KIF4A: variants seen among roughly 807,000 people sequenced by gnomAD.
The protein encoded by KIF4A is chromosome-associated kinesin KIF4A.
Under a neutral mutation model 105.9 loss-of-function variants are expected in KIF4A, and 7 were observed. The ratio of observed to expected loss-of-function variants is 0.07; its 90% CI spans 0.04 to 0.12. The LOEUF is 0.12. Among genes scored for constraint, KIF4A ranks in the 10% least tolerant of loss-of-function variants. The pLI is 1.00. For missense variants in KIF4A, 558 were observed against 929.2 expected, an observed-to-expected ratio of 0.60 and a Z score of 5.19; for synonymous variants, 281 against 331.3, an observed-to-expected ratio of 0.85 and a Z score of 1.65.
chrX:70,291,076 G>T (rs1333945790), intron 3 of KIF4A, among the ~76,000 whole-genome samples: 2 of 111,362 alleles, frequency 1.8e-5, no homozygotes, highest in Non-Finnish European at 3.8e-5. Flanking sequence ...TGTGGTGGTT[G>T]CTGATGGTGA....
Position 70,331,932 on chromosome X carries a change from T to G in KIF4A, c.1071+1600T>G, listed in dbSNP as rs924300177. ...AGATAATGATGGCTTGGACTTAGAG[T>G]GCTGGCAGTGGTGATAGAAAGAAGT... On this transcript the variant is annotated intron_variant, in intron 9 of 30. Coordinates refer to ENST00000374403, the MANE Select transcript of KIF4A (RefSeq NM_012310.5). Among the ~76,000 whole-genome samples, 12 of 111,231 alleles carry G rather than the reference T, an allele frequency of 1.1e-4. 1 individual carries two copies. The highest frequency in any genetic ancestry group is 2.9e-4 in the Admixed American group (3 of 10,421).
chrX:70,330,289 A>G lies in KIF4A; in HGVS notation c.1028A>G (p.Asn343Ser). 1.7e-6 allele frequency: 2 copies of G among 1,211,352 alleles called. No homozygotes were observed. The highest frequency in any genetic ancestry group is 2.2e-6 in the Non-Finnish European group (2 of 895,033). Residue 343 changes from asparagine to serine, a missense_variant, in exon 9 of 31, where the codon AAT (asparagine) becomes AGT (serine). By Grantham distance (46) the Asn-to-Ser change is conservative. Around this residue, in one of 2 missense-constraint regions of KIF4A, gnomAD observed 469 missense variants for 680.4 expected, o/e 0.69. Coordinates refer to ENST00000374403, the MANE Select transcript of KIF4A (RefSeq NM_012310.5). ...ARKIKNKPIV[N>S]IDPQTAELNH... is the part of the protein sequence containing the mutation. ...AAAATCAAGAACAAACCTATTGTTA[A>G]TATTGATCCCCAGACAGCTGAACTT...
At chrX:70,343,244 T>A (rs780128860) in intron 11 of KIF4A, among the ~76,000 whole-genome samples, 1 of 112,191 alleles carries the variant, frequency 8.9e-6, no homozygotes, top group African/African-American at 3.2e-5. Flanking sequence ...AATGCCCTTA[T>A]GCTGGGGCTA....
In KIF4A at chrX:70,381,224, A is replaced by G. The variant is rs1199083396; in HGVS notation, c.2034+5014A>G. 7.2e-5 allele frequency among the ~76,000 whole-genome samples: 8 copies of G among 111,852 alleles called. No individual in the cohort carries two copies. In the South Asian group the frequency reaches 2.6e-3, roughly 37 times the overall value. Reference sequence around the variant, plus strand: ...TATATTTATATACTAGCAATTAACAATTTGACAATGAGATTAATAAAACAA... The same window carrying G: ...TATATTTATATACTAGCAATTAACAGTTTGACAATGAGATTAATAAAACAA... On this transcript the variant is annotated intron_variant, in intron 18 of 30. Transcript: ENST00000374403.
intron 7 of KIF4A, among the ~76,000 whole-genome samples, chrX:70,312,026 A>T (rs766636305): frequency 9.1e-6 from 1 of 109,515 alleles, no homozygotes; most frequent in African/African-American, 3.3e-5. Flanking sequence ...ATGCCTTAAA[A>T]TTACATATCT....
chrX:70,328,842 A>C (rs1449790480), intron 7 of KIF4A, among the ~76,000 whole-genome samples: 1 of 112,038 alleles, frequency 8.9e-6, no homozygotes, highest in Non-Finnish European at 1.9e-5. Context: ...AGTGGAAAAT[A>C]ATCTTTATCT....
At chrX:70,328,004 CA>C (rs1285072198) in intron 7 of KIF4A, among the ~76,000 whole-genome samples, 2 of 110,272 alleles carry the variant, frequency 1.8e-5, no homozygotes, top group East Asian at 2.9e-4. Context: ...ATTGGTAGTC[CA>C]AAAAAAGGGT....
chrX:70,338,538 A>G (rs1010605472), intron 10 of KIF4A, among the ~76,000 whole-genome samples: 3 of 111,636 alleles, frequency 2.7e-5, no homozygotes, highest in Admixed American at 9.5e-5. Context: ...TTGTCCATCC[A>G]TTTACCAGTT....
chrX:70,330,417 C>T, intron 9 of KIF4A, 85 bp downstream of exon 9: 1 of 926,137 alleles, frequency 1.1e-6, no homozygotes, highest in Non-Finnish European at 1.5e-6. Context: ...TCTTCTTTAT[C>T]AGAAGTTTAG....
At chrX:70,361,557 C>T in intron 15 of KIF4A, 1 of 167,070 alleles carries the variant, frequency 6.0e-6, no homozygotes. Context: ...CTGTGAATTT[C>T]ATTGTCTCGA....
rs1326524883 is a variant in KIF4A at position 70,306,370 on chromosome X, TG to T, written c.778+3973del. On this transcript the variant is annotated intron_variant, in intron 7 of 30. Coordinates refer to ENST00000374403, the MANE Select transcript of KIF4A (RefSeq NM_012310.5). ...TTCCATATGAACATTAGGTTCAACT[TG>T]TCAATTTCTGCAAAAAAGCCAGCTG... is the stretch of plus-strand genomic sequence containing the variant. 6.3e-5 allele frequency among the ~76,000 whole-genome samples: 7 copies of T among 111,886 alleles called. No homozygotes were observed. The East Asian group carries it at 1.7e-3, about 27-fold the overall frequency.
chrX:70,362,344 C>G, intron 15 of KIF4A: 1 of 290,045 alleles, frequency 3.4e-6, no homozygotes, highest in Non-Finnish European at 6.6e-6. Context: ...GGGTAATTCT[C>G]CTTGGTGATC....
chrX:70,300,609 A>G (rs1338533846), intron 5 of KIF4A, among the ~76,000 whole-genome samples: 2 of 111,928 alleles, frequency 1.8e-5, no homozygotes, highest in Non-Finnish European at 3.8e-5. Flanking sequence ...CTGGGAAGTA[A>G]CAGGAGATAT....
At chrX:70,319,345 A>T (rs1175670421) in intron 7 of KIF4A, among the ~76,000 whole-genome samples, 1 of 112,478 alleles carries the variant, frequency 8.9e-6, no homozygotes, top group Non-Finnish European at 1.9e-5. Context: ...TAAAGGCTTT[A>T]CAGTTTTGCC....
At chrX:70,378,781 G>A (rs1041996887) in intron 18 of KIF4A, among the ~76,000 whole-genome samples, 33 of 109,551 alleles carry the variant, frequency 3.0e-4, no homozygotes, top group Admixed American at 2.7e-3. Context: ...AGAAAAAAAC[G>A]GGGAAAATCA....
chrX:70,418,193 C>T (rs1430824186), intron 29 of KIF4A, among the ~76,000 whole-genome samples, 189 bp downstream of exon 29: 1 of 111,902 alleles, frequency 8.9e-6, no homozygotes, highest in East Asian at 2.8e-4. Context: ...TGCCTGTTCA[C>T]ATACCCCTTT....
rs939657468 is a variant in KIF4A at position 70,363,643 on chromosome X, G to T, written c.1674+9836G>T. On this transcript the variant is annotated intron_variant, in intron 15 of 30. Transcript: ENST00000374403. The stretch of plus-strand genomic sequence containing the variant: ...CATTTTCTTAATCCAGTCTATCATT[G>T]TTGGACATTTGGGTTGGTTCCAAGT... Among the ~76,000 whole-genome samples the T allele has an allele frequency of 2.7e-5, 3 of 112,033 alleles. No homozygotes were observed. The East Asian group carries it at 8.3e-4, about 31-fold the overall frequency.
chrX:70,342,730 G>A lies in KIF4A; in HGVS notation c.1266+799G>A, dbSNP rs147988477. ...GTCCATTGTATTGTCCATTACTAAC[G>A]GAGGGTGAAAATGGGATATAGGGGA... On this transcript the variant is annotated intron_variant, in intron 11 of 30. Coordinates refer to ENST00000374403, the MANE Select transcript of KIF4A (RefSeq NM_012310.5). 1.2e-3 allele frequency among the ~76,000 whole-genome samples: 140 copies of A among 112,234 alleles called. 1 individual carries two copies. The highest frequency in any genetic ancestry group is 4.1e-3 in the African/African-American group (128 of 30,966).
intron 28 of KIF4A, among the ~76,000 whole-genome samples, chrX:70,412,360 T>C (rs1462388664): frequency 1.8e-5 from 2 of 111,730 alleles, no homozygotes; most frequent in Non-Finnish European, 3.8e-5. Context: ...GCCTAATCAT[T>C]CTTTATGACA....
Sources: gnomAD v4.1 joint callset for allele counts (sites outside exome capture counted in the v4.1 genomes callset) on GRCh38, gnomAD v4.1.1 for gene constraint, gnomAD v4.1.1 regional missense constraint, MANE v1.5 for transcripts, NCBI Gene and HGNC (gene_info 2026-07-23, HGNC 2026-07-21) for gene names.